The following ARMC9 variants were observed in gnomAD, a reference collection of about 807,000 sequenced individuals.
ARMC9 encodes the protein lisH domain-containing protein ARMC9.
ARMC9 carries 94 observed loss-of-function variants against 107.0 expected under a neutral mutation model. That is an observed-to-expected ratio of 0.88 (90% confidence interval 0.74 to 1.04). The LOEUF is 1.04. ARMC9 is among the 50% of genes least tolerant of loss of function. The pLI is 0.00. For synonymous variants in ARMC9, 380 were observed against 396.9 expected, an observed-to-expected ratio of 0.96 and a Z score of 0.51; for missense variants, 942 against 1,030.1, an observed-to-expected ratio of 0.91 and a Z score of 1.17.
intron 20 of ARMC9, among the ~76,000 whole-genome samples, chr2:231,344,743 A>C (rs1386551071): frequency 6.6e-6 from 1 of 152,048 alleles, no homozygotes; most frequent in African/African-American, 2.4e-5. Context: ...CTAGGGTTTG[A>C]CTTTGTTTTA....
At chr2:231,213,109 CAAGT>C (rs1050949076) in intron 3 of ARMC9, among the ~76,000 whole-genome samples, 15 of 151,370 alleles carry the variant, frequency 9.9e-5, no homozygotes, top group Non-Finnish European at 1.5e-4. Context: ...ACAGATAAAA[CAAGT>C]AATTTTTAAA....
chr2:231,247,950 T>C (rs1159653797), intron 9 of ARMC9, among the ~76,000 whole-genome samples: 2 of 152,134 alleles, frequency 1.3e-5, no homozygotes, highest in Non-Finnish European at 2.9e-5. Flanking sequence ...AGCACCTTTG[T>C]ATTAATATCT....
At chr2:231,201,741 CCT>C (rs763013064) in intron 1 of ARMC9, among the ~76,000 whole-genome samples, 1 of 152,210 alleles carries the variant, frequency 6.6e-6, no homozygotes, top group Non-Finnish European at 1.5e-5. Context: ...TTTTCCCTTT[CCT>C]CTCTCTTCTA....
chr2:231,265,220 A>T (rs1479107294), intron 12 of ARMC9, among the ~76,000 whole-genome samples: 1 of 152,236 alleles, frequency 6.6e-6, no homozygotes, highest in Non-Finnish European at 1.5e-5. Flanking sequence ...CTCAATGTAG[A>T]ACTACCATTT....
rs368048831 is a variant in ARMC9, at chr2:231,223,985, A to AT, written c.597+1176dup. On this transcript the variant is annotated intron_variant, in intron 6 of 24. Transcript: ENST00000611582. ...CTTTAAAAAAGCATTTCTCAGCTTA[A>AT]TTTTTTTTTTTCTTGATACTGCTCC... Among the ~76,000 whole-genome samples the AT allele has an allele frequency of 2.6e-3, 389 of 148,930 alleles. 2 individuals carry two copies. Among genetic ancestry groups the AT allele is most frequent in the African/African-American group, 8.7e-3 (354 of 40,818 alleles).
chr2:231,353,980 T>TATATAC (rs1395992147), intron 21 of ARMC9, among the ~76,000 whole-genome samples: 2 of 135,292 alleles, frequency 1.5e-5, no homozygotes, highest in African/African-American at 3.1e-5. Context: ...TATGTATATA[T>TATATAC]ACACACACAC....
intron 2 of ARMC9, 29 bp from the exon 3 acceptor site, chr2:231,208,098 T>C: frequency 1.0e-6 from 1 of 976,996 alleles, no homozygotes; most frequent in Non-Finnish European, 1.6e-6. Flanking sequence ...TTTGTTTTGC[T>C]GTTGAATTGA....
chr2:231,364,453 C>G (rs2045726194), intron 23 of ARMC9, among the ~76,000 whole-genome samples: 1 of 152,190 alleles, frequency 6.6e-6, no homozygotes, highest in African/African-American at 2.4e-5. Context: ...TATGCCTTTC[C>G]CCTCACGTTT....
At chr2:231,325,384 A>G (rs762209118) in intron 19 of ARMC9, among the ~76,000 whole-genome samples, 13 of 152,246 alleles carry the variant, frequency 8.5e-5, no homozygotes, top group Non-Finnish European at 1.6e-4. Context: ...TTTTGCTGGC[A>G]TTGACTGAAG....
chr2:231,208,250 C>T lies in ARMC9; in HGVS notation c.175C>T (p.Gln59Ter), dbSNP rs1341298149. 6.2e-7 allele frequency: 1 copy of T among 1,604,798 alleles called. No individual in the cohort carries two copies. Among genetic ancestry groups the T allele is most frequent in the Non-Finnish European group, 8.5e-7 (1 of 1,174,878 alleles). Residue 59 changes from glutamine (Q) to a stop codon, truncating the protein, a stop_gained and splice_region_variant, in exon 3 of 25, where the codon CAG becomes TAG. Transcript: ENST00000611582. LOFTEE classifies it high-confidence loss of function. ...SFRDSKSLTIQKDLVAAFDNG... is the reference protein window; with the variant it reads ...SFRDSKSLTI ...CAGAGACTCCAAATCATTGACAATTCAGGTAACATTTTGCTTATTTTTCAT... is the reference window on the plus strand; with the variant it reads ...CAGAGACTCCAAATCATTGACAATTTAGGTAACATTTTGCTTATTTTTCAT...
intron 19 of ARMC9, among the ~76,000 whole-genome samples, chr2:231,331,197 C>A (rs2043708307): frequency 2.6e-5 from 4 of 152,104 alleles, no homozygotes; most frequent in Admixed American, 2.6e-4. Flanking sequence ...GGTCTCAAGG[C>A]CCCTAGGCAG....
At chr2:231,328,907 C>T (rs577280763) in intron 19 of ARMC9, among the ~76,000 whole-genome samples, 163 of 150,648 alleles carry the variant, frequency 1.1e-3, no homozygotes, top group African/African-American at 3.8e-3. Flanking sequence ...CTCCGCCTCC[C>T]GGGTTCACAC....
chr2:231,223,138 A>C (rs2034314680), intron 6 of ARMC9, among the ~76,000 whole-genome samples: 1 of 152,214 alleles, frequency 6.6e-6, no homozygotes, highest in South Asian at 2.1e-4. Context: ...GCAGAATGTC[A>C]CTTAACCACT....
intron 23 of ARMC9, among the ~76,000 whole-genome samples, chr2:231,361,212 C>T (rs1489035119): frequency 6.6e-6 from 1 of 152,116 alleles, no homozygotes; most frequent in Admixed American, 6.5e-5. Flanking sequence ...GTCCTGTCAG[C>T]TTTTTGCATT....
chr2:231,273,843 C>G (rs1415601508), intron 14 of ARMC9, among the ~76,000 whole-genome samples: 1 of 152,114 alleles, frequency 6.6e-6, no homozygotes, highest in Non-Finnish European at 1.5e-5. Flanking sequence ...CACCACAATC[C>G]AGGTTTAGCA....
intron 19 of ARMC9, among the ~76,000 whole-genome samples, chr2:231,317,624 C>T (rs2042776312): frequency 6.6e-6 from 1 of 151,974 alleles, no homozygotes; most frequent in Non-Finnish European, 1.5e-5. Context: ...AATCCAGTTG[C>T]ACACATGTTA....
chr2:231,357,568 AT>A (rs2045395054), intron 22 of ARMC9, among the ~76,000 whole-genome samples: 8 of 147,844 alleles, frequency 5.4e-5, no homozygotes, highest in Admixed American at 5.3e-4. Flanking sequence ...CTTTTATTTT[AT>A]TTTATTTTAC....
rs774126888 is a variant in ARMC9 at position 231,360,190 on chromosome 2, C to T, written c.2132-564C>T. On this transcript the variant is annotated intron_variant, in intron 22 of 24. Transcript: ENST00000611582. This position sits in a 1 kb window ranked among gnomAD's most constrained non-coding sequence, Gnocchi z 4.7. ...TCTGCTTCCCCGTGAAGGGCTCCTG[C>T]GTGTCCCGGGTGGCCTGGTTCTGGG... Among the ~76,000 whole-genome samples the T allele has an allele frequency of 1.3e-5, 2 of 152,080 alleles. No homozygotes were observed. Among genetic ancestry groups the T allele is most frequent in the African/African-American group, 2.4e-5 (1 of 41,414 alleles).
chr2:231,340,858 C>T (rs1362007520), intron 20 of ARMC9, among the ~76,000 whole-genome samples: 5 of 152,102 alleles, frequency 3.3e-5, no homozygotes, highest in Admixed American at 6.6e-5. Context: ...ACTGTACTGC[C>T]GCCTGGGCAA....
Sources: gnomAD v4.1 joint callset for allele counts (sites outside exome capture counted in the v4.1 genomes callset) on GRCh38, gnomAD v4.1.1 for gene constraint, Gnocchi (gnomAD v3.1) non-coding constraint, MANE v1.5 for transcripts, NCBI Gene and HGNC (gene_info 2026-07-23, HGNC 2026-07-21) for gene names.